PARP16: variants seen among roughly 807,000 people sequenced by gnomAD.
PARP16 encodes the protein poly(ADP-ribose) polymerase family member 16.
A neutral mutation model predicts 35.0 loss-of-function variants in PARP16; 31 were observed. That is an observed-to-expected ratio of 0.88 (90% CI 0.66 to 1.19). The LOEUF (loss-of-function observed/expected upper bound fraction) is 1.19. PARP16 is among the 50% of genes most tolerant of loss of function. PARP16 has a pLI of 0.00. For missense variants in PARP16, 424 were observed against 411.2 expected (o/e 1.03, Z -0.27); for synonymous variants, 162 against 169.5 (o/e 0.96, Z 0.34).
At chr15:65,239,064 G>A (rs562470981) in intron 3 of PARP16, among the ~76,000 whole-genome samples, 1 of 152,196 alleles carries the variant, frequency 6.6e-6, no homozygotes, top group Admixed American at 6.5e-5. Flanking sequence ...CTGGGAGTTT[G>A]AGGCTGCAGT....
chr15:65,253,767 A>C (rs2089424392), downstream of PARP16, among the ~76,000 whole-genome samples: 1 of 152,144 alleles, frequency 6.6e-6, no homozygotes, highest in Non-Finnish European at 1.5e-5. Context: ...ATATACAAAG[A>C]CTGCCTAGTC....
chr15:65,242,368 C>A (rs1486535632), intron 3 of PARP16, among the ~76,000 whole-genome samples: 1 of 150,370 alleles, frequency 6.7e-6, no homozygotes, highest in Non-Finnish European at 1.5e-5. Flanking sequence ...TGCATTTCCA[C>A]ATACATTTAG....
At chr15:65,271,191 G>A (rs1343016767) in intron 1 of PARP16, 119 bp from the exon 2 acceptor site, 3 of 889,694 alleles carry the variant, frequency 3.4e-6, no homozygotes, top group Non-Finnish European at 5.4e-6. Flanking sequence ...TCTCCTGAGA[G>A]GAAATTCACA....
chr15:65,235,219 A>G (rs1351813612), intron 3 of PARP16, among the ~76,000 whole-genome samples: 2 of 152,014 alleles, frequency 1.3e-5, no homozygotes, highest in Non-Finnish European at 2.9e-5. Context: ...AGGCAGGAGA[A>G]TGGCATGAAC....
downstream of PARP16, among the ~76,000 whole-genome samples, chr15:65,256,108 T>A (rs1370239380): frequency 6.6e-6 from 1 of 152,340 alleles, no homozygotes; most frequent in East Asian, 1.9e-4. Flanking sequence ...CTAGCCCTCC[T>A]CTTTGGCTTC....
At chr15:65,263,066 G>A in intron 4 of PARP16, 83 bp downstream of exon 4, 1 of 1,307,120 alleles carries the variant, frequency 7.7e-7, no homozygotes, top group Non-Finnish European at 1.1e-6. Context: ...TGCAATGGGT[G>A]CTCTACCCAA....
chr15:65,239,424 T>TAAAAAAAAAAAAAAAAAAA (rs758350761), intron 3 of PARP16, among the ~76,000 whole-genome samples: 1 of 6,960 alleles, frequency 1.4e-4, no homozygotes, highest in Non-Finnish European at 2.2e-4. Context: ...AGACTTTGCC[T>TAAAAAAAAAAAAAAAAAAA]AAAAAAAAAA....
chr15:65,261,453 G>GTT (rs997582229), intron 4 of PARP16, among the ~76,000 whole-genome samples: 166 of 141,130 alleles, frequency 1.2e-3, no homozygotes, highest in African/African-American at 4.1e-3. Context: ...TACATGTTTT[G>GTT]TTTTTTTTTT....
At chr15:65,261,634 T>G (rs1413700773) in intron 4 of PARP16, among the ~76,000 whole-genome samples, 3 of 151,874 alleles carry the variant, frequency 2.0e-5, no homozygotes. Flanking sequence ...TTTTGTATTT[T>G]TAGTAGAAAC....
chr15:65,245,656 C>A (rs1170493793), intron 3 of PARP16, among the ~76,000 whole-genome samples: 1 of 152,090 alleles, frequency 6.6e-6, no homozygotes, highest in Non-Finnish European at 1.5e-5. Context: ...CCATCCTGCT[C>A]ACTGACAAAC....
chr15:65,281,278 A>G (rs899880063), intron 1 of PARP16, among the ~76,000 whole-genome samples: 4 of 152,212 alleles, frequency 2.6e-5, no homozygotes, highest in African/African-American at 9.6e-5. Context: ...CTGGTCCCAA[A>G]AAGCAAGGTG....
At chr15:65,242,388 G>A (rs2140739326) in intron 3 of PARP16, among the ~76,000 whole-genome samples, 1 of 115,922 alleles carries the variant, frequency 8.6e-6, no homozygotes, top group South Asian at 3.9e-4. Flanking sequence ...GAATCAGCTT[G>A]TTTACTACAA....
At chr15:65,249,144 TAGCGTCATCCA>T (rs1455838261) in intron 2 of PARP16, among the ~76,000 whole-genome samples, 1 of 152,228 alleles carries the variant, frequency 6.6e-6, no homozygotes, top group Non-Finnish European at 1.5e-5. Flanking sequence ...TCAGAGCCCC[TAGCGTCATCCA>T]AACCACAGCA....
chr15:65,235,297 A>T (rs2088846094), intron 3 of PARP16, among the ~76,000 whole-genome samples: 1 of 151,592 alleles, frequency 6.6e-6, no homozygotes, highest in African/African-American at 2.4e-5. Context: ...ACAGAAAGAG[A>T]CTCCGTCCCC....
intron 4 of PARP16, among the ~76,000 whole-genome samples, chr15:65,261,445 CAT>C (rs1191513486): frequency 2.7e-5 from 4 of 147,754 alleles, no homozygotes; most frequent in African/African-American, 9.9e-5. Flanking sequence ...TATATATATA[CAT>C]GTTTTGTTTT....
intron 1 of PARP16, among the ~76,000 whole-genome samples, chr15:65,281,110 C>A (rs1022425026): frequency 6.6e-6 from 1 of 152,154 alleles, no homozygotes; most frequent in Non-Finnish European, 1.5e-5. Context: ...AAAGGGTCTA[C>A]AGGCTAATGG....
chr15:65,281,486 T>C (rs570269695), intron 1 of PARP16, among the ~76,000 whole-genome samples: 1 of 152,014 alleles, frequency 6.6e-6, no homozygotes, highest in Admixed American at 6.5e-5. Flanking sequence ...GGTCAGGAGT[T>C]CAAAACCAGC....
intron 4 of PARP16, among the ~76,000 whole-genome samples, chr15:65,261,992 G>T (rs759716483): frequency 7.9e-5 from 12 of 152,190 alleles, no homozygotes; most frequent in Non-Finnish European, 1.8e-4. Context: ...AATTATAAAT[G>T]CAAATATCCA....
downstream of PARP16, among the ~76,000 whole-genome samples, chr15:65,255,900 T>C (rs989320923): frequency 5.3e-5 from 8 of 151,998 alleles, no homozygotes; most frequent in East Asian, 1.9e-4. Flanking sequence ...TTGAGACATA[T>C]AGCCAGGTCT....
Sources: allele counts gnomAD v4.1 joint callset (sites outside exome capture counted in the v4.1 genomes callset), GRCh38; gene constraint gnomAD v4.1.1; transcripts MANE v1.5; gene names NCBI Gene and HGNC (gene_info 2026-07-23, HGNC 2026-07-21).